SNW1: variants seen among roughly 807,000 people sequenced by gnomAD.
SNW1 encodes the protein SNW domain-containing protein 1.
SNW1 carries 9 observed loss-of-function variants against 75.6 expected under a neutral mutation model. The observed-to-expected ratio is 0.12, with a 90% CI of 0.07 to 0.21. The LOEUF (loss-of-function observed/expected upper bound fraction) is 0.21. Ranked by LOEUF, SNW1 falls within the 10% of genes least tolerant of loss-of-function variation. The probability of loss-of-function intolerance (pLI) is 1.00; values close to 1 mark genes in which losing one functional copy is unlikely to be tolerated. For missense variants in SNW1, 409 were observed against 670.9 expected (o/e 0.61, Z 4.31); for synonymous variants, 200 against 219.1 (o/e 0.91, Z 0.77).
chr14:77,747,741 G>A (rs543091724), intron 3 of SNW1, among the ~76,000 whole-genome samples: 5 of 137,038 alleles, frequency 3.6e-5, no homozygotes, highest in South Asian at 2.3e-4. Flanking sequence ...CGCCCCGTCT[G>A]GGAGGGAGGT....
chr14:77,728,868 A>G (rs979723927), intron 10 of SNW1, among the ~76,000 whole-genome samples: 4 of 152,220 alleles, frequency 2.6e-5, no homozygotes, highest in African/African-American at 9.7e-5. Context: ...CATAAGAAGC[A>G]CCTGATAAAT....
chr14:77,731,057 C>G lies in SNW1; in HGVS notation c.964G>C (p.Glu322Gln). 2 of 1,613,998 alleles carry G rather than the reference C, an allele frequency of 1.2e-6. No homozygotes were observed. The highest frequency in any genetic ancestry group is 1.7e-6 in the Non-Finnish European group (2 of 1,179,960). Residue 322 changes from glutamate (E) to glutamine (Q), a missense_variant, in exon 10 of 14, where the codon GAG becomes CAG. By Grantham distance (29) the Glu-to-Gln change is conservative. This residue lies in a region of SNW1 where 37 missense variants were observed against 110.0 expected (regional missense o/e 0.34). Transcript: ENST00000261531. ...TTCTGGGCCATTTCTCTAAGTTTCT[C>G]TTCATGTTTTTCCTTTTCTTTCTGA... The part of the protein sequence containing the change: ...MAQKEKEKHE[E>Q]KLREMAQKAR...
At chr14:77,736,141 T>A in intron 6 of SNW1, 135 bp from the exon 7 acceptor site, 1 of 590,230 alleles carries the variant, frequency 1.7e-6, no homozygotes, top group Non-Finnish European at 3.0e-6. Context: ...GATATACATT[T>A]ACCACTCCAC....
At chr14:77,747,607 C>A (rs191403722) in intron 3 of SNW1, among the ~76,000 whole-genome samples, 1,896 of 151,914 alleles carry the variant, frequency 0.012, 37 homozygotes, top group African/African-American at 0.041. Context: ...TGCCCGGCCA[C>A]CCCGTCTGAG....
Position 77,754,967 on chromosome 14 carries a change from C to A in SNW1, c.168G>T (p.Glu56Asp). The A allele has an allele frequency of 6.3e-7, 1 of 1,587,390 alleles. No homozygotes were observed. Among genetic ancestry groups the A allele is most frequent in the Non-Finnish European group, 8.6e-7 (1 of 1,166,102 alleles). Residue 56 changes from glutamate (E) to aspartate (D), a missense_variant and splice_region_variant, in exon 2 of 14, where the codon GAG becomes GAT. By Grantham distance (45) the Glu-to-Asp change is conservative (BLOSUM62 2). This residue lies in a region of SNW1 where 73 missense variants were observed against 68.3 expected (regional missense o/e 1.07). Coordinates refer to ENST00000261531, the MANE Select transcript of SNW1 (RefSeq NM_012245.3). ...ATCTAAACTTAAGATCTATATGTACCTCTAATAACCGAGGTATCCAGCCTT... is the reference window on the plus strand; with the variant it reads ...ATCTAAACTTAAGATCTATATGTACATCTAATAACCGAGGTATCCAGCCTT... ...YRKGWIPRLL[E>D]DFGDGGAFPE...
chr14:77,736,122 C>G (rs1479916533), intron 6 of SNW1, 116 bp from the exon 7 acceptor site: 1 of 698,974 alleles, frequency 1.4e-6, no homozygotes, highest in Non-Finnish European at 2.4e-6. Flanking sequence ...AAAACAGAGA[C>G]TGTATAATGA....
intron 10 of SNW1, among the ~76,000 whole-genome samples, chr14:77,724,572 CT>C (rs1322032434): frequency 2.0e-5 from 3 of 152,190 alleles, no homozygotes; most frequent in Non-Finnish European, 2.9e-5. Context: ...TTGAGACCAA[CT>C]TTTTTAGCTC....
intron 2 of SNW1, among the ~76,000 whole-genome samples, chr14:77,752,731 C>A (rs1424344087): frequency 1.3e-5 from 2 of 152,022 alleles, no homozygotes; most frequent in African/African-American, 4.8e-5. Context: ...TAAAATTAAT[C>A]ATTTAGAGGG....
At chr14:77,722,299 G>A (rs1017001498) in intron 11 of SNW1, among the ~76,000 whole-genome samples, 2 of 150,544 alleles carry the variant, frequency 1.3e-5, no homozygotes, top group African/African-American at 4.9e-5. Context: ...TGTTCTATAC[G>A]TTTATACTTA....
At chr14:77,746,656 A>G (rs2080762379) in intron 3 of SNW1, among the ~76,000 whole-genome samples, 1 of 152,220 alleles carries the variant, frequency 6.6e-6, no homozygotes, top group Admixed American at 6.5e-5. Flanking sequence ...GCTTAAAAAA[A>G]CTAGCAGATA....
rs545421992 is a variant in SNW1, at chr14:77,739,612, GAAAAAA to G, written c.331-557_331-552del. Reference sequence around the variant, plus strand: ...TGCTTTCTTCCATGAGAAGACAAAAGAAAAAAAAAAAGAAAAAGAAAAATATATTCT... The same window carrying G: ...TGCTTTCTTCCATGAGAAGACAAAAGAAAAAGAAAAAGAAAAATATATTCT... On this transcript the variant is annotated intron_variant, in intron 3 of 13. Transcript: ENST00000261531. Among the ~76,000 whole-genome samples, 39 of 123,514 alleles carry G rather than the reference GAAAAAA, an allele frequency of 3.2e-4. 1 individual carries two copies. Among genetic ancestry groups the G allele is most frequent in the African/African-American group, 1.0e-3 (35 of 34,028 alleles). 81.0% of individuals were successfully genotyped at this position (123,514 alleles called of 152,430 possible).
At chr14:77,744,613 TACAG>T (rs750254536) in intron 3 of SNW1, among the ~76,000 whole-genome samples, 3 of 152,092 alleles carry the variant, frequency 2.0e-5, no homozygotes, top group Non-Finnish European at 2.9e-5. Context: ...TAATCACCAA[TACAG>T]ACAGTGATTT....
In SNW1 at chr14:77,751,459, A is replaced by G. The variant is rs2080806716; in HGVS notation, c.190T>C (p.Phe64Leu). The G allele has an allele frequency of 6.2e-7, 1 of 1,608,352 alleles. No individual in the cohort carries two copies. Among genetic ancestry groups the G allele is most frequent in the Non-Finnish European group, 8.5e-7 (1 of 1,178,316 alleles). ...LLEDFGDGGAFPEIHVAQYPL... is the reference protein window; with the variant it reads ...LLEDFGDGGALPEIHVAQYPL... Reference sequence around the variant, plus strand: ...TACTGGGCCACATGGATCTCTGGAAAAGCACCTCCATCTCCAAAATCCTAC... The same window carrying G: ...TACTGGGCCACATGGATCTCTGGAAGAGCACCTCCATCTCCAAAATCCTAC... The change falls in exon 3 of 14, where the codon TTT becomes CTT. Residue 64 changes from phenylalanine (F) to leucine (L), a missense_variant. Physicochemically the swap from Phe to Leu is conservative, Grantham distance 22. Transcript: ENST00000261531.
rs61135876 is a variant in SNW1 at position 77,751,805 on chromosome 14, GACAC to G, written c.169-329_169-326del. 8.6e-3 allele frequency among the ~76,000 whole-genome samples: 1,205 copies of G among 139,504 alleles called. 14 individuals carry two copies. The highest frequency in any genetic ancestry group is 0.024 in the African/African-American group (910 of 37,256). 91.5% of individuals were successfully genotyped at this position (139,504 alleles called of 152,430 possible). ...AATGATTAGAAAGCAGTCATGGGAA[GACAC>G]ACACACACACACACACACACACACA... On this transcript the variant is annotated intron_variant, in intron 2 of 13. Coordinates refer to ENST00000261531, the MANE Select transcript of SNW1 (RefSeq NM_012245.3).
At chr14:77,741,449 A>T (rs1407948629) in intron 3 of SNW1, among the ~76,000 whole-genome samples, 1 of 152,188 alleles carries the variant, frequency 6.6e-6, no homozygotes, top group Non-Finnish European at 1.5e-5. Context: ...AAACTATCTC[A>T]TGGCTATACA....
intron 2 of SNW1, among the ~76,000 whole-genome samples, chr14:77,753,500 A>T (rs1200904878): frequency 2.0e-5 from 3 of 152,204 alleles, no homozygotes; most frequent in African/African-American, 7.2e-5. Flanking sequence ...AGCAACAAAA[A>T]TCCCTTAATA....
chr14:77,759,165 CT>C (rs2080865597), intron 1 of SNW1, among the ~76,000 whole-genome samples: 2 of 152,208 alleles, frequency 1.3e-5, no homozygotes, highest in Non-Finnish European at 2.9e-5. Context: ...GTCCTCAAGA[CT>C]GGCCATTTAA....
Position 77,760,863 on chromosome 14 carries a change from C to T in SNW1, c.14+251G>A, listed in dbSNP as rs935027441. The T allele has an allele frequency of 3.8e-6, 3 of 799,620 alleles. No homozygotes were observed. The East Asian group carries it at 7.9e-5, about 21-fold the overall frequency. 49.5% of individuals were successfully genotyped at this position (799,620 alleles called of 1,614,324 possible). ...ATGCTCACGCGAAAAACCCACTCTT[C>T]AGTGTCTGAGACCACTCCGCAGCTT... On this transcript the variant is annotated intron_variant, in intron 1 of 13. Coordinates refer to ENST00000261531, the MANE Select transcript of SNW1 (RefSeq NM_012245.3).
At chr14:77,732,768 G>A (rs1194096257) in intron 8 of SNW1, among the ~76,000 whole-genome samples, 167 bp from the exon 9 acceptor site, 1 of 152,156 alleles carries the variant, frequency 6.6e-6, no homozygotes, top group African/African-American at 2.4e-5. Context: ...GGGTTCAAGC[G>A]AGTCTCCTAC....
Sources: gnomAD v4.1 joint callset for allele counts (sites outside exome capture counted in the v4.1 genomes callset) on GRCh38, gnomAD v4.1.1 for gene constraint, gnomAD v4.1.1 regional missense constraint, MANE v1.5 for transcripts, NCBI Gene and HGNC (gene_info 2026-07-23, HGNC 2026-07-21) for gene names.